The following DCHS2 variants were observed in gnomAD, a reference collection of about 807,000 sequenced individuals.
The protein encoded by DCHS2 is dachsous cadherin-related 2.
DCHS2 carries 142 observed loss-of-function variants against 182.4 expected under a neutral mutation model. That is an observed-to-expected ratio of 0.78 (90% CI 0.68 to 0.89). DCHS2 has a LOEUF of 0.89. Among genes scored for constraint, DCHS2 ranks in the 40% least tolerant of loss-of-function variants. DCHS2 has a pLI of 0.00. For missense variants in DCHS2, 4,319 were observed against 4,198.6 expected, an observed-to-expected ratio of 1.03 and a Z score of -0.79; for synonymous variants, 1,740 against 1,663.3, an observed-to-expected ratio of 1.05 and a Z score of -1.12.
At chr4:154,417,565 A>T (rs1732924147) in intron 1 of DCHS2, among the ~76,000 whole-genome samples, 1 of 152,200 alleles carries the variant, frequency 6.6e-6, no homozygotes, top group Non-Finnish European at 1.5e-5. Context: ...CTGTTTCAGA[A>T]ATCAAATTGT....
intron 7 of DCHS2, among the ~76,000 whole-genome samples, chr4:154,327,542 A>G (rs1272698839): frequency 6.6e-6 from 1 of 152,188 alleles, no homozygotes; most frequent in African/African-American, 2.4e-5. Flanking sequence ...TTTTAAAATT[A>G]TATAAAACAC....
intron 3 of DCHS2, among the ~76,000 whole-genome samples, chr4:154,362,964 G>C (rs188570820): frequency 1.3e-5 from 2 of 152,160 alleles, no homozygotes; most frequent in African/African-American, 2.4e-5. Context: ...GTCAGTGATA[G>C]GCTATTAGCA....
intron 1 of DCHS2, among the ~76,000 whole-genome samples, chr4:154,451,228 G>T (rs186990994): frequency 7.2e-5 from 11 of 152,296 alleles, no homozygotes; most frequent in African/African-American, 2.6e-4. Context: ...GCCCAGCTAG[G>T]TGAATCACAG....
chr4:154,449,680 AT>A (rs1734455782), intron 1 of DCHS2, among the ~76,000 whole-genome samples: 1 of 152,142 alleles, frequency 6.6e-6, no homozygotes, highest in East Asian at 1.9e-4. Context: ...GCCAATCTTT[AT>A]TTTCTCTCAA....
chr4:154,466,710 C>A (rs1735255340), intron 1 of DCHS2, among the ~76,000 whole-genome samples: 1 of 152,108 alleles, frequency 6.6e-6, no homozygotes, highest in East Asian at 1.9e-4. Context: ...ACTTAAAAAA[C>A]CAGACTGTTT....
In DCHS2 at chr4:154,419,708, T is replaced by C. The variant is rs1366158531; in HGVS notation, c.2053-42264A>G. On this transcript the variant is annotated intron_variant, in intron 1 of 19. Transcript: ENST00000357232. Reference sequence around the variant, plus strand: ...CCATTACGAAGGATGTGCAGGACACTAAAGGAATATAGAGGAAAGGAGTCA... The same window carrying C: ...CCATTACGAAGGATGTGCAGGACACCAAAGGAATATAGAGGAAAGGAGTCA... Among the ~76,000 whole-genome samples, 15 of 120,496 alleles carry C rather than the reference T, an allele frequency of 1.2e-4. No individual in the cohort carries two copies. In the East Asian group the frequency reaches 4.2e-3, roughly 34 times the overall value. 79.1% of individuals were successfully genotyped at this position (120,496 alleles called of 152,430 possible). A position where few individuals can be genotyped will look rare whatever the true frequency, so the allele number is the denominator to read the frequency against.
At chr4:154,399,572 A>T (rs1159365456) in intron 1 of DCHS2, among the ~76,000 whole-genome samples, 2 of 152,238 alleles carry the variant, frequency 1.3e-5, no homozygotes. Flanking sequence ...AGAACTGCGA[A>T]TAATAAAGTA....
intron 13 of DCHS2, among the ~76,000 whole-genome samples, chr4:154,280,125 A>C (rs746242605): frequency 5.3e-5 from 8 of 152,078 alleles, no homozygotes; most frequent in Non-Finnish European, 1.5e-5. Context: ...TAGATAACCT[A>C]GATGAAATGG....
intron 3 of DCHS2, chr4:154,354,762 A>G (rs950400426): frequency 6.6e-6 from 1 of 152,100 alleles, no homozygotes; most frequent in Non-Finnish European, 1.5e-5. Flanking sequence ...ACTCCACTCA[A>G]TGTGCCTTCC....
intron 10 of DCHS2, among the ~76,000 whole-genome samples, chr4:154,309,367 A>T (rs1298076252): frequency 6.6e-6 from 1 of 152,122 alleles, no homozygotes. Context: ...AGAAAATGGG[A>T]CTTCCTTCTT....
Position 154,477,559 on chromosome 4 carries a change from G to A in DCHS2, c.2052+11745C>T, listed in dbSNP as rs191914529. Among the ~76,000 whole-genome samples, 7 of 152,292 alleles carry A rather than the reference G, an allele frequency of 4.6e-5. No individual in the cohort carries two copies. The East Asian group carries it at 9.6e-4, about 21-fold the overall frequency. On this transcript the variant is annotated intron_variant, in intron 1 of 19. Transcript: ENST00000357232. ...GATCTTACAAGCAGTGCAAAGCCACGGAAGGTGCTCAGCATGAGTAACATA... is the reference window on the plus strand; with the variant it reads ...GATCTTACAAGCAGTGCAAAGCCACAGAAGGTGCTCAGCATGAGTAACATA...
At chr4:154,336,534 C>A (rs1728818707) in intron 3 of DCHS2, among the ~76,000 whole-genome samples, 1 of 152,144 alleles carries the variant, frequency 6.6e-6, no homozygotes, top group Non-Finnish European at 1.5e-5. Flanking sequence ...TTGGCAAAAA[C>A]ATCAGGGATA....
chr4:154,407,337 G>T (rs2110884485), intron 1 of DCHS2, among the ~76,000 whole-genome samples: 1 of 152,212 alleles, frequency 6.6e-6, no homozygotes, highest in Admixed American at 6.5e-5. Flanking sequence ...AGGTTTCTAT[G>T]TTCTCCTCCT....
In DCHS2 at chr4:154,480,105, A is replaced by C. The variant is rs138278809; in HGVS notation, c.2052+9199T>G. Among the ~76,000 whole-genome samples, 435 of 152,316 alleles carry C rather than the reference A, an allele frequency of 2.9e-3. 2 individuals carry two copies. Among genetic ancestry groups the C allele is most frequent in the African/African-American group, 9.8e-3 (408 of 41,574 alleles). On this transcript the variant is annotated intron_variant, in intron 1 of 19. Transcript: ENST00000357232. Reference sequence around the variant, plus strand: ...TCATAACTTGGTTCTTGTATAATAGATATTCTTAGGACCAGACAAGTCAAT... The same window carrying C: ...TCATAACTTGGTTCTTGTATAATAGCTATTCTTAGGACCAGACAAGTCAAT...
chr4:154,264,899 C>A (rs1733165998), intron 14 of DCHS2, among the ~76,000 whole-genome samples: 2 of 152,142 alleles, frequency 1.3e-5, no homozygotes, highest in South Asian at 4.2e-4. Flanking sequence ...TTTGAAAGAA[C>A]CAAAATTGTG....
At chr4:154,277,506 C>T (rs1733905996) in intron 13 of DCHS2, among the ~76,000 whole-genome samples, 1 of 151,884 alleles carries the variant, frequency 6.6e-6, no homozygotes. Context: ...GATTCATCCC[C>T]AGAAAACCTT....
chr4:154,316,797 A>G (rs933900554), intron 9 of DCHS2, among the ~76,000 whole-genome samples: 1 of 152,192 alleles, frequency 6.6e-6, no homozygotes, highest in Non-Finnish European at 1.5e-5. Flanking sequence ...AAAAAAGAAA[A>G]AAAAGCAAAG....
chr4:154,331,595 C>A (rs778162551), intron 5 of DCHS2: 1 of 1,611,636 alleles, frequency 6.2e-7, no homozygotes, highest in South Asian at 1.1e-5. Flanking sequence ...TCTCCTAATT[C>A]ACAGAACAGA....
At chr4:154,246,643 C>G (rs535026095) in intron 16 of DCHS2, among the ~76,000 whole-genome samples, 8 of 152,042 alleles carry the variant, frequency 5.3e-5, no homozygotes, top group African/African-American at 1.9e-4. Context: ...CTAATTAATA[C>G]CTTGGAGAGA....
Sources: allele counts gnomAD v4.1 joint callset (sites outside exome capture counted in the v4.1 genomes callset), GRCh38; gene constraint gnomAD v4.1.1; transcripts MANE v1.5; gene names NCBI Gene and HGNC (gene_info 2026-07-23, HGNC 2026-07-21).